Variants in NLGN1 observed in about 807,000 individuals in gnomAD.
NLGN1 encodes neuroligin-1.
A neutral mutation model predicts 65.5 loss-of-function variants in NLGN1; 12 were observed. The ratio of observed to expected loss-of-function variants is 0.18; its 90% CI spans 0.12 to 0.30. NLGN1 has a LOEUF of 0.30. NLGN1 is among the 10% of genes least tolerant of loss of function. The pLI is 1.00. For synonymous variants in NLGN1, 350 were observed against 359.5 expected (o/e 0.97, Z 0.30); for missense variants, 750 against 1,007.1 (o/e 0.74, Z 3.46).
At chr3:173,918,740 G>A (rs1481858674) in intron 4 of NLGN1, among the ~76,000 whole-genome samples, 1 of 145,622 alleles carries the variant, frequency 6.9e-6, no homozygotes, top group East Asian at 2.1e-4. Context: ...ACGTCTTCTA[G>A]TCCATTTATT....
chr3:173,827,500 A>G (rs772502050), intron 4 of NLGN1, among the ~76,000 whole-genome samples: 73 of 152,078 alleles, frequency 4.8e-4, no homozygotes, highest in Non-Finnish European at 8.2e-4. Context: ...CAGCACATCA[A>G]TAGCACAGCT....
chr3:173,674,742 G>T (rs1762898732), intron 3 of NLGN1, among the ~76,000 whole-genome samples: 1 of 151,974 alleles, frequency 6.6e-6, no homozygotes, highest in Non-Finnish European at 1.5e-5. Flanking sequence ...ATTTCTTAAA[G>T]CTGCTTATTC....
At chr3:173,487,249 T>C (rs1728316050) in intron 2 of NLGN1, among the ~76,000 whole-genome samples, 1 of 152,042 alleles carries the variant, frequency 6.6e-6, no homozygotes. Flanking sequence ...ATTTCTTCTT[T>C]AAGCCATCTA....
intron 1 of NLGN1, among the ~76,000 whole-genome samples, chr3:173,408,278 A>G (rs1711703055): frequency 6.6e-6 from 1 of 152,204 alleles, no homozygotes; most frequent in Non-Finnish European, 1.5e-5. Context: ...ATTGCAAGAC[A>G]GAATGCCTAT....
intron 4 of NLGN1, among the ~76,000 whole-genome samples, chr3:173,958,207 GTTAC>G (rs1159316362): frequency 6.6e-6 from 1 of 152,194 alleles, no homozygotes; most frequent in Admixed American, 6.5e-5. Flanking sequence ...TTTCAGCCCT[GTTAC>G]TTACAGCTCT....
intron 3 of NLGN1, among the ~76,000 whole-genome samples, chr3:173,713,542 A>T (rs1259878690): frequency 6.6e-6 from 1 of 152,084 alleles, no homozygotes; most frequent in Admixed American, 6.6e-5. Flanking sequence ...TTGAAAATAT[A>T]TATGTAAATT....
At chr3:174,292,507 ATAATAAT>A in the NLGN1 span, among the ~76,000 whole-genome samples, 2,101 of 110,300 alleles carry the variant, frequency 0.019, 25 homozygotes, top group Middle Eastern at 0.065. Context: ...TCTAAAGTGA[ATAATAAT>A]TAAAAAGAAA....
chr3:174,288,268 C>T (rs182220793), downstream of NLGN1, among the ~76,000 whole-genome samples: 16 of 151,576 alleles, frequency 1.1e-4, no homozygotes, highest in East Asian at 1.6e-3. Context: ...TAAATACAGC[C>T]TATCTGAAGT....
intron 3 of NLGN1, among the ~76,000 whole-genome samples, chr3:173,651,571 TCCC>T (rs1488671734): frequency 2.0e-5 from 3 of 152,082 alleles, no homozygotes; most frequent in Non-Finnish European, 4.4e-5. Context: ...TAATTTACAT[TCCC>T]CGTAGCAGTG....
intron 4 of NLGN1, among the ~76,000 whole-genome samples, chr3:174,145,316 C>T (rs990623847): frequency 6.6e-6 from 1 of 151,982 alleles, no homozygotes; most frequent in African/African-American, 2.4e-5. Context: ...AGACCGAGAC[C>T]ATCCTGGCCA....
intron 2 of NLGN1, among the ~76,000 whole-genome samples, chr3:173,569,528 G>T (rs1744277537): frequency 6.6e-6 from 1 of 150,432 alleles, no homozygotes; most frequent in Non-Finnish European, 1.5e-5. Flanking sequence ...AAGAGTAATA[G>T]GTTAAATTTT....
At chr3:173,431,893 T>A (rs1349672769) in intron 1 of NLGN1, among the ~76,000 whole-genome samples, 2 of 147,334 alleles carry the variant, frequency 1.4e-5, no homozygotes, top group Non-Finnish European at 2.9e-5. Context: ...TATATCTTCC[T>A]CCCCACCAGC....
chr3:173,887,463 A>T (rs1410652886), intron 4 of NLGN1, among the ~76,000 whole-genome samples: 1 of 151,992 alleles, frequency 6.6e-6, no homozygotes, highest in Non-Finnish European at 1.5e-5. Flanking sequence ...TAAAACATCA[A>T]AAAAATTTAA....
chr3:173,543,039 T>C (rs1418162226), intron 2 of NLGN1, among the ~76,000 whole-genome samples: 1 of 152,154 alleles, frequency 6.6e-6, no homozygotes, highest in Non-Finnish European at 1.5e-5. Context: ...CAGTGTTTAC[T>C]TACAGCATTT....
chr3:173,572,954 A>C (rs2149337304), intron 2 of NLGN1, among the ~76,000 whole-genome samples: 1 of 152,260 alleles, frequency 6.6e-6, no homozygotes, highest in South Asian at 2.1e-4. Context: ...AACTAAAGCT[A>C]CCCCAAGTCC....
intron 2 of NLGN1, among the ~76,000 whole-genome samples, chr3:173,533,666 T>C (rs752137881): frequency 3.9e-5 from 6 of 151,934 alleles, no homozygotes; most frequent in Non-Finnish European, 7.4e-5. Context: ...TACAATTACG[T>C]ATAGAAGCAA....
At chr3:174,123,987 G>A (rs1339819369) in intron 4 of NLGN1, among the ~76,000 whole-genome samples, 2 of 152,092 alleles carry the variant, frequency 1.3e-5, no homozygotes. Context: ...CTATCTAGAG[G>A]TAGGGTCTTT....
chr3:173,877,562 C>G (rs758957247), intron 4 of NLGN1, among the ~76,000 whole-genome samples: 12 of 151,858 alleles, frequency 7.9e-5, no homozygotes, highest in African/African-American at 2.4e-4. Context: ...ATTGTATCAG[C>G]GCTAACTTCT....
chr3:173,655,551 C>A (rs1402543522), intron 3 of NLGN1, among the ~76,000 whole-genome samples: 1 of 151,614 alleles, frequency 6.6e-6, no homozygotes, highest in Non-Finnish European at 1.5e-5. Context: ...ACCAACTGTG[C>A]CTGAAAGAAT....
Sources: gnomAD v4.1 joint callset for allele counts (sites outside exome capture counted in the v4.1 genomes callset) on GRCh38, gnomAD v4.1.1 for gene constraint, MANE v1.5 for transcripts, NCBI Gene and HGNC (gene_info 2026-07-23, HGNC 2026-07-21) for gene names.